Variants in CCSER2 observed in about 807,000 individuals in gnomAD.
The protein encoded by CCSER2 is coiled-coil serine rich protein 2.
CCSER2 carries 46 observed loss-of-function variants against 92.3 expected under a neutral mutation model. The observed-to-expected ratio is 0.50, with a 90% CI of 0.39 to 0.64. The LOEUF (loss-of-function observed/expected upper bound fraction) is 0.64, where lower values mean the gene tolerates loss of function less well. Ranked by LOEUF, CCSER2 falls within the 30% of genes least tolerant of loss-of-function variation. The pLI is 0.00. For missense variants in CCSER2, 1,244 were observed against 1,238.9 expected (o/e 1.00, Z -0.06); for synonymous variants, 433 against 431.4 (o/e 1.00, Z -0.04).
In CCSER2 at chr10:84,421,180, T is replaced by C. The variant is rs937374357; in HGVS notation, c.1705+3319T>C. 3.3e-5 allele frequency among the ~76,000 whole-genome samples: 5 copies of C among 152,308 alleles called. No homozygotes were observed. The South Asian group carries it at 6.2e-4, about 19-fold the overall frequency. On this transcript the variant is annotated intron_variant, in intron 4 of 9. Coordinates refer to ENST00000372088, the MANE Select transcript of CCSER2 (RefSeq NM_001284240.2). ...GTGCAGTTAATCTTTCCCTATTAAATGTGGCATATGTAGTAGCAAAAATAA... is the reference window on the plus strand; with the variant it reads ...GTGCAGTTAATCTTTCCCTATTAAACGTGGCATATGTAGTAGCAAAAATAA...
intron 5 of CCSER2, among the ~76,000 whole-genome samples, chr10:84,427,759 A>C (rs929167265): frequency 3.9e-5 from 6 of 152,014 alleles, no homozygotes; most frequent in African/African-American, 1.2e-4. Context: ...ATTCTCTCAT[A>C]TCCTAGCAAA....
intron 7 of CCSER2, among the ~76,000 whole-genome samples, chr10:84,465,070 T>C (rs890524164): frequency 6.6e-6 from 1 of 152,192 alleles, no homozygotes; most frequent in Admixed American, 6.5e-5. Flanking sequence ...GCTTTCATCC[T>C]ACTCTCAGTA....
intron 3 of CCSER2, among the ~76,000 whole-genome samples, chr10:84,412,763 A>T (rs1842717071): frequency 6.6e-6 from 1 of 152,202 alleles, no homozygotes; most frequent in Non-Finnish European, 1.5e-5. Flanking sequence ...AACCAGAAAC[A>T]TATGGGTACT....
At chr10:84,489,496 C>A (rs955527864) in intron 9 of CCSER2, among the ~76,000 whole-genome samples, 1 of 152,162 alleles carries the variant, frequency 6.6e-6, no homozygotes, top group African/African-American at 2.4e-5. Context: ...TATGTAATGG[C>A]CTCCTTTGTC....
rs144445482 is a variant in CCSER2 at position 84,392,470 on chromosome 10, C to T, written c.1614+18655C>T. Among the ~76,000 whole-genome samples the T allele has an allele frequency of 2.2e-3, 338 of 151,630 alleles. 3 individuals carry two copies. Among genetic ancestry groups the T allele is most frequent in the African/African-American group, 7.8e-3 (324 of 41,396 alleles). ...ATTCTATAGCGCACAATAAAGGAAACCTAAGAATGGGAGTTACAAATAGTA... is the reference window on the plus strand; with the variant it reads ...ATTCTATAGCGCACAATAAAGGAAATCTAAGAATGGGAGTTACAAATAGTA... On this transcript the variant is annotated intron_variant, in intron 3 of 9. Coordinates refer to ENST00000372088, the MANE Select transcript of CCSER2 (RefSeq NM_001284240.2).
At position 84,513,831 on chromosome 10, in the gene CCSER2, T is replaced by C. The variant is rs1849493425; in HGVS notation, c.2708T>C (p.Val903Ala). 2 of 1,535,906 alleles carry C rather than the reference T, an allele frequency of 1.3e-6. 1 individual carries two copies. The highest frequency in any genetic ancestry group is 2.4e-5 in the South Asian group (2 of 84,046). The change falls in exon 10 of 10, where the codon GTT becomes GCT. Residue 903 changes from valine (V) to alanine (A), a missense_variant. By Grantham distance (64) the Val-to-Ala change is moderately conservative. Coordinates refer to ENST00000372088, the MANE Select transcript of CCSER2 (RefSeq NM_001284240.2). ...ESSTVDQAKR[V>A]GRNQSPPVGY... ...AGTACAGTAGACCAGGCTAAGAGAG[T>C]TGGAAGAAATCAGTCTCCGCCAGTG...
At chr10:84,346,951 T>G (rs1337231411) in intron 1 of CCSER2, among the ~76,000 whole-genome samples, 1 of 152,012 alleles carries the variant, frequency 6.6e-6, no homozygotes, top group Non-Finnish European at 1.5e-5. Context: ...TTTGTGTCCC[T>G]GGGTACTTGA....
intron 4 of CCSER2, among the ~76,000 whole-genome samples, chr10:84,419,589 A>G (rs1044043372): frequency 1.1e-4 from 17 of 152,184 alleles, no homozygotes; most frequent in Non-Finnish European, 1.8e-4. Context: ...AAAGTTGAGG[A>G]CAATATCCAC....
chr10:84,371,645 G>T lies in CCSER2; in HGVS notation c.593G>T (p.Ser198Ile). The change falls in exon 2 of 10, where the codon AGT (serine) becomes ATT (isoleucine). Residue 198 changes from serine to isoleucine, a missense_variant. By Grantham distance (142) the Ser-to-Ile change is moderately radical. Coordinates refer to ENST00000372088, the MANE Select transcript of CCSER2 (RefSeq NM_001284240.2). Reference sequence around the variant, plus strand: ...GCGAACTCCTGTGCCACCAGAAGCAGTTCTGGAGAAAGCTTAGCTCAATCC... The same window carrying T: ...GCGAACTCCTGTGCCACCAGAAGCATTTCTGGAGAAAGCTTAGCTCAATCC... ...PRANSCATRS[S>I]SGESLAQSPD... is the part of the protein sequence containing the mutation. 6.2e-7 allele frequency: 1 copy of T among 1,613,002 alleles called. No individual in the cohort carries two copies. The highest frequency in any genetic ancestry group is 1.1e-5 in the South Asian group (1 of 91,044).
chr10:84,368,964 T>C (rs1033336201), intron 1 of CCSER2, among the ~76,000 whole-genome samples: 36 of 152,186 alleles, frequency 2.4e-4, no homozygotes, highest in African/African-American at 8.4e-4. Flanking sequence ...CCTGAATTAC[T>C]TCAGAATAAT....
chr10:84,329,188 T>TC (rs1354602613), intron 1 of CCSER2, among the ~76,000 whole-genome samples: 1 of 152,192 alleles, frequency 6.6e-6, no homozygotes, highest in African/African-American at 2.4e-5. Flanking sequence ...ATTTTTTTTT[T>TC]CTTTCAATTA....
chr10:84,460,974 CTTGA>C (rs1222637555), intron 6 of CCSER2, among the ~76,000 whole-genome samples: 6 of 151,968 alleles, frequency 3.9e-5, no homozygotes, highest in African/African-American at 7.2e-5. Flanking sequence ...AATTTCTGCT[CTTGA>C]TTATTTTCTT....
chr10:84,338,414 A>G (rs2132996225), intron 1 of CCSER2, among the ~76,000 whole-genome samples: 1 of 151,916 alleles, frequency 6.6e-6, no homozygotes, highest in East Asian at 1.9e-4. Flanking sequence ...TTCTTTTGGC[A>G]TAGTGAAATT....
Position 84,510,133 on chromosome 10 carries a change from G to T in CCSER2, c.2326-3316G>T, listed in dbSNP as rs146453759. ...CATGAGTCCTAGGAGCTGGCCCTTA[G>T]CTATGCTTTTGCACTATCCTTTCAA... is the stretch of plus-strand genomic sequence containing the variant. On this transcript the variant is annotated intron_variant, in intron 9 of 9. Transcript: ENST00000372088. Among the ~76,000 whole-genome samples, 16 of 152,252 alleles carry T rather than the reference G, an allele frequency of 1.1e-4. No homozygotes were observed. The East Asian group carries it at 3.1e-3, about 29-fold the overall frequency.
In CCSER2 at chr10:84,371,318, A is replaced by G. The variant is rs369819928; in HGVS notation, c.266A>G (p.His89Arg). ...GAGCCTAACAATACTCAAAATTCAC[A>G]TGATAAAATAATTGATCCTGAAAAA... ...VEEPNNTQNS[H>R]DKIIDPEKRV... is the part of the protein sequence containing the mutation. Residue 89 changes from histidine (H) to arginine (R), a missense_variant, in exon 2 of 10, where the codon CAT becomes CGT. Coordinates refer to ENST00000372088, the MANE Select transcript of CCSER2 (RefSeq NM_001284240.2). 9.9e-6 allele frequency: 16 copies of G among 1,613,628 alleles called. No homozygotes were observed.
At chr10:84,390,434 G>A (rs760512265) in intron 3 of CCSER2, among the ~76,000 whole-genome samples, 1 of 152,086 alleles carries the variant, frequency 6.6e-6, no homozygotes, top group Non-Finnish European at 1.5e-5. Flanking sequence ...ATTGCTCTTA[G>A]GATACAAACC....
chr10:84,413,106 ATTT>A (rs200646710), intron 3 of CCSER2, among the ~76,000 whole-genome samples: 1 of 133,418 alleles, frequency 7.5e-6, no homozygotes. Context: ...GGATTCATTG[ATTT>A]TTTTTTTTTT....
intron 9 of CCSER2, among the ~76,000 whole-genome samples, chr10:84,510,825 C>T (rs1849310210): frequency 6.6e-6 from 1 of 152,176 alleles, no homozygotes; most frequent in Non-Finnish European, 1.5e-5. Flanking sequence ...TAGTGGGTAA[C>T]CACTTCCATG....
intron 1 of CCSER2, among the ~76,000 whole-genome samples, chr10:84,367,949 T>C (rs1348755293): frequency 6.6e-6 from 1 of 152,174 alleles, no homozygotes; most frequent in Non-Finnish European, 1.5e-5. Flanking sequence ...TTTGCCCTTC[T>C]GTGGCCCTAT....
Sources: gnomAD v4.1 joint callset for allele counts (sites outside exome capture counted in the v4.1 genomes callset) on GRCh38, gnomAD v4.1.1 for gene constraint, MANE v1.5 for transcripts, NCBI Gene and HGNC (gene_info 2026-07-23, HGNC 2026-07-21) for gene names.